Variants in SYNE1 observed in about 807,000 individuals in gnomAD.
SYNE1 encodes the protein nesprin-1.
Under a neutral mutation model 1,111.0 loss-of-function variants are expected in SYNE1, and 616 were observed. The ratio of observed to expected loss-of-function variants is 0.55; its 90% CI spans 0.52 to 0.59. The LOEUF (loss-of-function observed/expected upper bound fraction) is 0.59. Among genes scored for constraint, SYNE1 ranks in the 20% least tolerant of loss-of-function variants. The probability of loss-of-function intolerance (pLI) is 0.00; values close to 1 mark genes in which losing one functional copy is unlikely to be tolerated. For synonymous variants in SYNE1, 3,855 were observed against 3,825.8 expected (o/e 1.01, Z -0.28); for missense variants, 10,006 against 10,417.0 (o/e 0.96, Z 1.72).
intron 3 of SYNE1, among the ~76,000 whole-genome samples, 195 bp from the exon 4 acceptor site, chr6:152,540,216 T>C (rs1179428884): frequency 2.0e-5 from 3 of 152,204 alleles, no homozygotes; most frequent in African/African-American, 7.2e-5. Flanking sequence ...TTAAAAATTA[T>C]CTGCAAATGC....
At chr6:152,343,308 G>A (rs2096570457) in intron 74 of SYNE1, among the ~76,000 whole-genome samples, 1 of 151,122 alleles carries the variant, frequency 6.6e-6, no homozygotes, top group South Asian at 2.1e-4. Flanking sequence ...ACAGGCGCCT[G>A]CCACCATGCC....
chr6:152,329,844 C>T lies in SYNE1; in HGVS notation c.14841G>A (p.Lys4947=). 1 of 1,614,156 alleles carries T rather than the reference C, an allele frequency of 6.2e-7. No individual in the cohort carries two copies. Among genetic ancestry groups the T allele is most frequent in the Non-Finnish European group, 8.5e-7 (1 of 1,180,030 alleles). Residue 4947 remains lysine (K), a synonymous_variant, in exon 78 of 146, where the codon AAG becomes AAA. Transcript: ENST00000367255. The part of the protein sequence containing the change: ...SLRIMNALSH[K]EKEKFTKAKE... ...TGGCCTTTGTGAACTTCTCCTTTTCCTTGTGACTCAGCGCATTCATGATTC... is the reference window on the plus strand; with the variant it reads ...TGGCCTTTGTGAACTTCTCCTTTTCTTTGTGACTCAGCGCATTCATGATTC...
chr6:152,156,055 A>T lies in SYNE1; in HGVS notation c.23833T>A (p.Ser7945Thr). Residue 7945 changes from serine (S) to threonine (T), a missense_variant, in exon 132 of 146, where the codon TCT becomes ACT. Transcript: ENST00000367255. The part of the protein sequence containing the change: ...DIEKHSTGVA[S>T]VLNLCEVLLH... ...AGGACTTCACACAGGTTGAGGACAG[A>T]TGCAACACCTGTACTGTGCTTCTCT... The T allele has an allele frequency of 6.2e-7, 1 of 1,614,208 alleles. No homozygotes were observed. Among genetic ancestry groups the T allele is most frequent in the Non-Finnish European group, 8.5e-7 (1 of 1,180,030 alleles).
In SYNE1 at chr6:152,416,781, G is replaced by A; in HGVS notation, c.5656C>T (p.Gln1886Ter). 6.2e-7 allele frequency: 1 copy of A among 1,614,206 alleles called. No homozygotes were observed. Among genetic ancestry groups the A allele is most frequent in the Non-Finnish European group, 8.5e-7 (1 of 1,180,044 alleles). Residue 1886 changes from glutamine to a stop codon, truncating the protein, a stop_gained, in exon 41 of 146, where the codon CAG (glutamine) becomes TAG (stop). Transcript: ENST00000367255. LOFTEE classifies it high-confidence loss of function. ...GTTGCTTCCACTGTTTGCCTCAGCT[G>A]GCGGAGAATGCCGGACAGAGAGGCA... ...SHASLSGILR[Q>*]LRQTVEATNS...
At chr6:152,314,617 T>C (rs2095652030) in intron 87 of SYNE1, among the ~76,000 whole-genome samples, 1 of 152,050 alleles carries the variant, frequency 6.6e-6, no homozygotes, top group African/African-American at 2.4e-5. Context: ...GGAATATCCT[T>C]TGTACCCTAA....
Position 152,236,190 on chromosome 6 carries a change from T to G in SYNE1, c.20313A>C (p.Gln6771His). The stretch of plus-strand genomic sequence containing the variant: ...TGTTACTTAGCCAGCACTCTCCAAG[T>G]TGATTTAGTTGGCTTTCTAGATCTG... ...SCSDLESQLNQLGECWLSNTN... is the reference protein window; with the variant it reads ...SCSDLESQLNHLGECWLSNTN... Residue 6771 changes from glutamine to histidine, a missense_variant, in exon 110 of 146, where the codon CAA (glutamine) becomes CAC (histidine). Transcript: ENST00000367255. The G allele has an allele frequency of 1.2e-6, 2 of 1,614,236 alleles. No individual in the cohort carries two copies. The highest frequency in any genetic ancestry group is 1.7e-6 in the Non-Finnish European group (2 of 1,180,038).
rs1343648918 is a variant in SYNE1, at chr6:152,369,619, A to C, written c.9508-5T>G. The stretch of plus-strand genomic sequence containing the variant: ...CTTCATTTGGATCTTTAGATTCTGC[A>C]AGGTTTTAGATAGTGTCCAGGACAA... On this transcript the variant is annotated splice_region_variant and splice_polypyrimidine_tract_variant and intron_variant, in intron 59 of 145. Transcript: ENST00000367255. 6.2e-7 allele frequency: 1 copy of C among 1,613,988 alleles called. No individual in the cohort carries two copies. Among genetic ancestry groups the C allele is most frequent in the African/African-American group, 1.3e-5 (1 of 74,908 alleles).
chr6:152,399,388 G>A (rs961061816), intron 48 of SYNE1, among the ~76,000 whole-genome samples: 8 of 152,160 alleles, frequency 5.3e-5, no homozygotes, highest in Non-Finnish European at 7.3e-5. Flanking sequence ...CATCAAGATG[G>A]TGAACTCTTG....
At chr6:152,178,160 T>C (rs1164260584) in intron 129 of SYNE1, among the ~76,000 whole-genome samples, 1 of 152,186 alleles carries the variant, frequency 6.6e-6, no homozygotes, top group African/African-American at 2.4e-5. Context: ...CTGAAATTTT[T>C]CTAAATTTTA....
chr6:152,151,763 C>A lies in SYNE1; in HGVS notation c.24313-73G>T, dbSNP rs573430371. On this transcript the variant is annotated intron_variant, in intron 134 of 145. Transcript: ENST00000367255. ...TTCTAAACATATGGAGATGGCACAG[C>A]GAATTCCAGTGTTCTGTAAAGTCAT... 5.1e-6 allele frequency: 8 copies of A among 1,561,554 alleles called. No homozygotes were observed. In the African/African-American group the frequency reaches 9.5e-5, roughly 19 times the overall value.
chr6:152,591,633 T>C (rs927789992), intron 3 of SYNE1, among the ~76,000 whole-genome samples: 4 of 152,090 alleles, frequency 2.6e-5, no homozygotes, highest in African/African-American at 9.7e-5. Context: ...CCAAAAGCAA[T>C]TGCAACAAAA....
At chr6:152,259,530 G>T (rs566588962) in intron 101 of SYNE1, among the ~76,000 whole-genome samples, 23 of 152,278 alleles carry the variant, frequency 1.5e-4, no homozygotes, top group African/African-American at 5.5e-4. Flanking sequence ...CATTAAGGTA[G>T]TATGAAAGAG....
intron 3 of SYNE1, among the ~76,000 whole-genome samples, chr6:152,560,341 G>T: frequency 6.6e-6 from 1 of 152,118 alleles, no homozygotes; most frequent in South Asian, 2.1e-4. Flanking sequence ...ACTCCCGCCT[G>T]TGTGACAGAG....
chr6:152,598,466 T>C (rs903253699), intron 3 of SYNE1, among the ~76,000 whole-genome samples: 3 of 152,236 alleles, frequency 2.0e-5, no homozygotes, highest in African/African-American at 7.2e-5. Flanking sequence ...AAACTGAATA[T>C]ACACATTAAA....
At position 152,155,103 on chromosome 6, in the gene SYNE1, C is replaced by T. The variant is rs540040594; in HGVS notation, c.23979-61G>A. ...TGGAGACTGTTTTCGCTCCAGAACC[C>T]GGTCTGCTGCCTGCGACTGGATTAA... On this transcript the variant is annotated intron_variant, in intron 132 of 145. Coordinates refer to ENST00000367255, the MANE Select transcript of SYNE1 (RefSeq NM_182961.4). The T allele has an allele frequency of 3.7e-3, 5,936 of 1,605,044 alleles. 30 individuals carry two copies. Among genetic ancestry groups the T allele is most frequent in the South Asian group, 7.3e-3 (662 of 90,688 alleles).
intron 64 of SYNE1, among the ~76,000 whole-genome samples, chr6:152,361,199 G>A (rs2096924680): frequency 6.6e-6 from 1 of 152,236 alleles, no homozygotes; most frequent in African/African-American, 2.4e-5. Context: ...TCAGGAGATA[G>A]TGTGAGATTC....
intron 138 of SYNE1, 107 bp downstream of exon 138, chr6:152,143,516 C>T: frequency 6.6e-7 from 1 of 1,509,594 alleles, no homozygotes; most frequent in Non-Finnish European, 9.2e-7. Flanking sequence ...TCAAGGGCAG[C>T]ATGGTATTCA....
intron 126 of SYNE1, among the ~76,000 whole-genome samples, chr6:152,203,703 A>C: frequency 6.6e-6 from 1 of 152,194 alleles, no homozygotes; most frequent in East Asian, 1.9e-4. Context: ...TGTTGACTAA[A>C]GTGCCCCCTT....
intron 34 of SYNE1, among the ~76,000 whole-genome samples, chr6:152,432,807 A>C (rs1333928802): frequency 6.6e-6 from 1 of 152,218 alleles, no homozygotes; most frequent in Non-Finnish European, 1.5e-5. Flanking sequence ...AATTAAAAAT[A>C]TTTAATGAAT....
Sources: gnomAD v4.1 joint callset for allele counts (sites outside exome capture counted in the v4.1 genomes callset) on GRCh38, gnomAD v4.1.1 for gene constraint, MANE v1.5 for transcripts, NCBI Gene and HGNC (gene_info 2026-07-23, HGNC 2026-07-21) for gene names.